The following FRMD5 variants were observed in gnomAD, a reference collection of about 807,000 sequenced individuals.
FRMD5 encodes FERM domain-containing protein 5.
FRMD5 carries 20 observed loss-of-function variants against 69.0 expected under a neutral mutation model. The observed-to-expected ratio is 0.29, with a 90% CI of 0.20 to 0.42. The LOEUF (loss-of-function observed/expected upper bound fraction) is 0.42. FRMD5 is among the 10% of genes least tolerant of loss of function. The pLI, the probability that FRMD5 is intolerant of heterozygous loss-of-function variation, is 1.00. For synonymous variants in FRMD5, 271 were observed against 260.1 expected, an observed-to-expected ratio of 1.04 and a Z score of -0.40; for missense variants, 595 against 708.6, an observed-to-expected ratio of 0.84 and a Z score of 1.82.
intron 7 of FRMD5, among the ~76,000 whole-genome samples, chr15:43,898,638 G>A (rs1256019900): frequency 1.3e-5 from 2 of 152,240 alleles, no homozygotes; most frequent in African/African-American, 4.8e-5. Flanking sequence ...AGGGCTACCT[G>A]GATGGAGCAA....
intron 1 of FRMD5, among the ~76,000 whole-genome samples, chr15:44,009,584 T>C (rs992399673): frequency 2.6e-5 from 4 of 151,948 alleles, no homozygotes; most frequent in African/African-American, 9.7e-5. Flanking sequence ...CTGGCTGAGG[T>C]GGGAGAATTG....
At chr15:44,107,802 A>G (rs1342211010) in intron 1 of FRMD5, among the ~76,000 whole-genome samples, 2 of 152,220 alleles carry the variant, frequency 1.3e-5, no homozygotes, top group East Asian at 1.9e-4. Context: ...GGATTTGGCT[A>G]TTGTGCTAGG....
chr15:44,037,069 G>A (rs1055123672), intron 1 of FRMD5, among the ~76,000 whole-genome samples: 5 of 151,992 alleles, frequency 3.3e-5, no homozygotes, highest in South Asian at 2.1e-4. Flanking sequence ...CATGTGCCAC[G>A]GTGGTTTGCT....
chr15:44,095,378 A>C (rs2076537289), intron 1 of FRMD5, among the ~76,000 whole-genome samples: 1 of 151,754 alleles, frequency 6.6e-6, no homozygotes, highest in Non-Finnish European at 1.5e-5. Context: ...AATTTTTAAA[A>C]ATTTTTTGTA....
intron 1 of FRMD5, among the ~76,000 whole-genome samples, chr15:43,976,044 A>G (rs1247251426): frequency 6.6e-6 from 1 of 151,762 alleles, no homozygotes; most frequent in Non-Finnish European, 1.5e-5. Context: ...GTGCTGGAAC[A>G]GCGGGATATC....
At chr15:44,151,910 G>A (rs1836303670) in intron 1 of FRMD5, among the ~76,000 whole-genome samples, 1 of 152,166 alleles carries the variant, frequency 6.6e-6, no homozygotes, top group Non-Finnish European at 1.5e-5. Flanking sequence ...ATCACAATTA[G>A]TAAATGGGCA....
At chr15:43,952,540 G>A (rs1245951469) in intron 1 of FRMD5, among the ~76,000 whole-genome samples, 1 of 152,206 alleles carries the variant, frequency 6.6e-6, no homozygotes, top group African/African-American at 2.4e-5. Context: ...TAGTCTGGGA[G>A]CACGGCCATC....
intron 8 of FRMD5, among the ~76,000 whole-genome samples, chr15:43,891,392 T>G (rs2140371578): frequency 6.6e-6 from 1 of 152,128 alleles, no homozygotes; most frequent in Non-Finnish European, 1.5e-5. Flanking sequence ...AGTGGGAATA[T>G]GACTCCTGGA....
chr15:43,988,165 C>G (rs1182559642), intron 1 of FRMD5, among the ~76,000 whole-genome samples: 2 of 152,120 alleles, frequency 1.3e-5, no homozygotes, highest in Non-Finnish European at 2.9e-5. Context: ...CTCTTGCCCC[C>G]CCACCACTCA....
At chr15:44,041,341 A>C (rs1362672186) in intron 1 of FRMD5, among the ~76,000 whole-genome samples, 1 of 152,156 alleles carries the variant, frequency 6.6e-6, no homozygotes, top group African/African-American at 2.4e-5. Context: ...GCTCTGGACC[A>C]AGGAGACATC....
At chr15:43,894,014 A>G (rs1218246721) in intron 7 of FRMD5, among the ~76,000 whole-genome samples, 1 of 152,206 alleles carries the variant, frequency 6.6e-6, no homozygotes, top group Non-Finnish European at 1.5e-5. Flanking sequence ...ACACTTGGCT[A>G]CAAGCACAAT....
At chr15:44,094,264 G>A (rs2076519138) in intron 1 of FRMD5, among the ~76,000 whole-genome samples, 1 of 152,188 alleles carries the variant, frequency 6.6e-6, no homozygotes, top group African/African-American at 2.4e-5. Flanking sequence ...AGGCAGATAT[G>A]CAAACAAAAG....
chr15:44,094,345 C>A (rs1385283033), intron 1 of FRMD5, among the ~76,000 whole-genome samples: 1 of 152,196 alleles, frequency 6.6e-6, no homozygotes, highest in Admixed American at 6.5e-5. Flanking sequence ...ATTCCAGTCT[C>A]TCTCTGAGGC....
rs148091778 is a variant in FRMD5 at position 44,021,602 on chromosome 15, A to G, written c.103-97293T>C. On this transcript the variant is annotated intron_variant, in intron 1 of 13. Transcript: ENST00000417257. ...GGGAAATGCAAATCAAAACCACAAT[A>G]AAGTACTACTTTGCATCTACTAGGA... Among the ~76,000 whole-genome samples the G allele has an allele frequency of 2.5e-3, 387 of 152,326 alleles. 3 individuals carry two copies. Among genetic ancestry groups the G allele is most frequent in the African/African-American group, 8.4e-3 (348 of 41,562 alleles).
chr15:44,189,700 C>T (rs568941775), intron 1 of FRMD5, among the ~76,000 whole-genome samples: 24 of 152,102 alleles, frequency 1.6e-4, no homozygotes, highest in African/African-American at 5.5e-4. Flanking sequence ...CCATGTTGAC[C>T]AGGCTGGTCT....
chr15:44,012,994 G>T (rs1201414880), intron 1 of FRMD5, among the ~76,000 whole-genome samples: 3 of 152,110 alleles, frequency 2.0e-5, no homozygotes, highest in Non-Finnish European at 4.4e-5. Flanking sequence ...TCGAACTCCT[G>T]ACCTCAGGTG....
intron 1 of FRMD5, among the ~76,000 whole-genome samples, chr15:43,946,046 C>T (rs550451942): frequency 3.3e-5 from 5 of 151,504 alleles, no homozygotes; most frequent in African/African-American, 1.2e-4. Flanking sequence ...CAGAGCGAGA[C>T]TCTGTCTCAA....
At chr15:44,159,017 C>A (rs2077571686) in intron 1 of FRMD5, among the ~76,000 whole-genome samples, 1 of 152,146 alleles carries the variant, frequency 6.6e-6, no homozygotes, top group African/African-American at 2.4e-5. Flanking sequence ...CTGGGAAAAT[C>A]TTCTCAGACA....
At chr15:44,065,040 G>A (rs1249527814) in intron 1 of FRMD5, among the ~76,000 whole-genome samples, 1 of 152,186 alleles carries the variant, frequency 6.6e-6, no homozygotes, top group Non-Finnish European at 1.5e-5. Context: ...AAGAGCACAG[G>A]CTCTGGAGTC....
Sources: gnomAD v4.1 joint callset for allele counts (sites outside exome capture counted in the v4.1 genomes callset) on GRCh38, gnomAD v4.1.1 for gene constraint, MANE v1.5 for transcripts, NCBI Gene and HGNC (gene_info 2026-07-23, HGNC 2026-07-21) for gene names.